INPP5D: variants seen among roughly 807,000 people sequenced by gnomAD.
INPP5D encodes inositol polyphosphate-5-phosphatase D.
In INPP5D, 33 loss-of-function variants were observed where a neutral mutation model predicts 122.9. That is an observed-to-expected ratio of 0.27 (90% CI 0.20 to 0.36). The LOEUF is 0.36. Among genes scored for constraint, INPP5D ranks in the 10% least tolerant of loss-of-function variants. INPP5D has a pLI of 1.00. For synonymous variants in INPP5D, 584 were observed against 576.2 expected, an observed-to-expected ratio of 1.01 and a Z score of -0.19; for missense variants, 1,053 against 1,412.7, an observed-to-expected ratio of 0.75 and a Z score of 4.08.
At position 233,140,077 on chromosome 2, in the gene INPP5D, G is replaced by A. The variant is rs1029490385; in HGVS notation, c.753+148G>A. The A allele has an allele frequency of 1.9e-3, 753 of 387,420 alleles. 13 individuals carry two copies. The highest frequency in any genetic ancestry group is 1.1e-4 in the Non-Finnish European group (23 of 218,970). 24.0% of individuals were successfully genotyped at this position (387,420 alleles called of 1,614,324 possible). Reference sequence around the variant, plus strand: ...GCAAGCAGGTACGCATGGGTTGGGGGTGGGAGCCTCAGCCCCTGCCCTTTC... The same window carrying A: ...GCAAGCAGGTACGCATGGGTTGGGGATGGGAGCCTCAGCCCCTGCCCTTTC... On this transcript the variant is annotated intron_variant, in intron 6 of 26. Coordinates refer to ENST00000445964, the MANE Select transcript of INPP5D (RefSeq NM_001017915.3).
chr2:233,174,043 G>A (rs1346829901), intron 17 of INPP5D, among the ~76,000 whole-genome samples: 1 of 152,198 alleles, frequency 6.6e-6, no homozygotes, highest in Admixed American at 6.5e-5. Context: ...GAAGGTCCTC[G>A]GGGCAATAAC....
chr2:233,202,426 C>T (rs1186284125), intron 25 of INPP5D, among the ~76,000 whole-genome samples: 1 of 152,214 alleles, frequency 6.6e-6, no homozygotes, highest in Non-Finnish European at 1.5e-5. Context: ...TGGGCAACAC[C>T]CCCAGGTGCA....
chr2:233,087,789 A>C (rs1392185364), intron 2 of INPP5D, among the ~76,000 whole-genome samples: 1 of 152,160 alleles, frequency 6.6e-6, no homozygotes, highest in East Asian at 1.9e-4. Flanking sequence ...TAAAATTATG[A>C]TTTATCTCAC....
At chr2:233,200,321 A>G (rs956601848) in intron 25 of INPP5D, among the ~76,000 whole-genome samples, 1 of 152,236 alleles carries the variant, frequency 6.6e-6, no homozygotes, top group Non-Finnish European at 1.5e-5. Flanking sequence ...TAGCCACAGG[A>G]TGACAGACAG....
At chr2:233,069,242 A>G (rs914608733) in intron 1 of INPP5D, among the ~76,000 whole-genome samples, 4 of 152,200 alleles carry the variant, frequency 2.6e-5, no homozygotes, top group African/African-American at 9.6e-5. Flanking sequence ...TCCCCGAGAG[A>G]TCATTTGGGA....
chr2:233,102,806 C>T (rs1014385383), intron 2 of INPP5D, among the ~76,000 whole-genome samples: 24 of 148,892 alleles, frequency 1.6e-4, no homozygotes, highest in Non-Finnish European at 2.4e-4. Flanking sequence ...GCCCAGATCA[C>T]GCCACTGCAC....
intron 4 of INPP5D, among the ~76,000 whole-genome samples, chr2:233,129,860 C>T (rs1693266498): frequency 1.3e-5 from 2 of 151,482 alleles, no homozygotes; most frequent in East Asian, 3.9e-4. Context: ...TCCACTTACA[C>T]TTTCCAAAGC....
At chr2:233,125,562 A>G (rs554851959) in intron 3 of INPP5D, among the ~76,000 whole-genome samples, 183 bp from the exon 4 acceptor site, 1 of 152,230 alleles carries the variant, frequency 6.6e-6, no homozygotes, top group African/African-American at 2.4e-5. Context: ...TGGGGCAGAC[A>G]CTGCACTAGC....
intron 6 of INPP5D, among the ~76,000 whole-genome samples, chr2:233,144,326 G>T: frequency 6.8e-6 from 1 of 147,842 alleles, no homozygotes; most frequent in Non-Finnish European, 1.5e-5. Flanking sequence ...CATGATTATG[G>T]TAAGAGTGGG....
At chr2:233,077,249 A>G (rs965404442) in intron 1 of INPP5D, among the ~76,000 whole-genome samples, 1 of 152,250 alleles carries the variant, frequency 6.6e-6, no homozygotes, top group Non-Finnish European at 1.5e-5. Flanking sequence ...ACTTACAAAC[A>G]GGAATAGGAA....
chr2:233,104,158 G>T (rs191430365), intron 2 of INPP5D, among the ~76,000 whole-genome samples: 1 of 149,218 alleles, frequency 6.7e-6, no homozygotes, highest in African/African-American at 2.5e-5. Flanking sequence ...TTACAGGTGC[G>T]CACCACCACA....
intron 17 of INPP5D, 119 bp downstream of exon 17, chr2:233,171,271 A>C: frequency 6.9e-7 from 1 of 1,442,210 alleles, no homozygotes; most frequent in Non-Finnish European, 9.2e-7. Context: ...GAAAGAAAAA[A>C]ATTAGAAAGC....
At chr2:233,077,887 A>G (rs1559277316) in intron 1 of INPP5D, among the ~76,000 whole-genome samples, 2 of 151,760 alleles carry the variant, frequency 1.3e-5, no homozygotes, top group Admixed American at 1.3e-4. Context: ...ATCTAGTTAA[A>G]CAAAACATAC....
intron 2 of INPP5D, among the ~76,000 whole-genome samples, chr2:233,096,467 C>T (rs549549247): frequency 1.3e-5 from 2 of 152,092 alleles, no homozygotes; most frequent in Non-Finnish European, 2.9e-5. Flanking sequence ...GCCTGGCCAA[C>T]ATGGTGAAAT....
chr2:233,099,143 G>A (rs1454898594), intron 2 of INPP5D, among the ~76,000 whole-genome samples: 1 of 152,064 alleles, frequency 6.6e-6, no homozygotes, highest in Non-Finnish European at 1.5e-5. Flanking sequence ...TAGAGGCGAG[G>A]TTTTGCTATG....
chr2:233,080,856 G>A (rs1691666805), intron 2 of INPP5D, among the ~76,000 whole-genome samples: 1 of 152,186 alleles, frequency 6.6e-6, no homozygotes, highest in East Asian at 1.9e-4. Context: ...GAATTGCTTC[G>A]AGGAGCGATG....
Position 233,128,861 on chromosome 2 carries a change from T to G in INPP5D, c.525-1647T>G, listed in dbSNP as rs575692233. Reference sequence around the variant, plus strand: ...AGCCTTGTGGCCTTTAGTTTCAATTTGATTACATATCAAGCCTGGAATAAA... The same window carrying G: ...AGCCTTGTGGCCTTTAGTTTCAATTGGATTACATATCAAGCCTGGAATAAA... On this transcript the variant is annotated intron_variant, in intron 4 of 26. Coordinates refer to ENST00000445964, the MANE Select transcript of INPP5D (RefSeq NM_001017915.3). The surrounding 1 kb of genome is among the most constrained non-coding windows in gnomAD (Gnocchi z 4.5). 3.0e-4 allele frequency among the ~76,000 whole-genome samples: 46 copies of G among 152,318 alleles called. 1 individual carries two copies. The South Asian group carries it at 9.3e-3, about 31-fold the overall frequency.
At chr2:233,205,314 C>CGTG (rs1695466021) in intron 26 of INPP5D, 4 of 142,316 alleles carry the variant, frequency 2.8e-5, no homozygotes, top group Non-Finnish European at 6.1e-5. Flanking sequence ...CACTGCACTC[C>CGTG]AGCCTGGTGA....
At chr2:233,113,363 A>G (rs1692684751) in intron 2 of INPP5D, among the ~76,000 whole-genome samples, 2 of 152,212 alleles carry the variant, frequency 1.3e-5, no homozygotes, top group Admixed American at 1.3e-4. Flanking sequence ...AGGAAGGGAA[A>G]GGAAAGGAAC....
Sources: allele counts gnomAD v4.1 joint callset (sites outside exome capture counted in the v4.1 genomes callset), GRCh38; gene constraint gnomAD v4.1.1; non-coding constraint Gnocchi (gnomAD v3.1); transcripts MANE v1.5; gene names NCBI Gene and HGNC (gene_info 2026-07-23, HGNC 2026-07-21).